GALK2: variants seen among roughly 807,000 people sequenced by gnomAD.
GALK2 encodes N-acetylgalactosamine kinase.
In GALK2, 36 loss-of-function variants were observed where a neutral mutation model predicts 52.4. The ratio of observed to expected loss-of-function variants is 0.69; its 90% CI spans 0.53 to 0.91. The LOEUF is 0.91. GALK2 is among the 40% of genes least tolerant of loss of function. GALK2 has a pLI of 0.00. For synonymous variants in GALK2, 176 were observed against 199.1 expected (o/e 0.88, Z 0.98); for missense variants, 579 against 559.1 (o/e 1.04, Z -0.36).
intron 3 of GALK2, among the ~76,000 whole-genome samples, chr15:49,351,192 G>T (rs567270871): frequency 4.6e-5 from 7 of 152,282 alleles, no homozygotes; most frequent in African/African-American, 1.7e-4. Flanking sequence ...TAGGCACAGT[G>T]TGTGATTATA....
intron 3 of GALK2, among the ~76,000 whole-genome samples, chr15:49,361,540 C>T (rs887359827): frequency 1.3e-5 from 2 of 151,994 alleles, no homozygotes; most frequent in Non-Finnish European, 2.9e-5. Flanking sequence ...GGTTAATGGC[C>T]TCCAGCTCCA....
At chr15:49,188,523 A>G (rs539966756) in intron 1 of GALK2, among the ~76,000 whole-genome samples, 382 of 152,338 alleles carry the variant, frequency 2.5e-3, no homozygotes, top group South Asian at 5.4e-3. Flanking sequence ...GGTGGTGTCA[A>G]TGATTCAAGA....
At chr15:49,228,688 T>TATATATATATATATGTATATATATA in intron 3 of GALK2, among the ~76,000 whole-genome samples, 3 of 10,442 alleles carry the variant, frequency 2.9e-4, no homozygotes, top group Non-Finnish European at 3.6e-4. Context: ...TATATATATA[T>TATATATATATATATGTATATATATA]TTTTTTTTTT....
intron 9 of GALK2, among the ~76,000 whole-genome samples, chr15:49,326,631 G>C (rs959269398): frequency 2.0e-5 from 3 of 152,084 alleles, no homozygotes; most frequent in Non-Finnish European, 4.4e-5. Flanking sequence ...AGGATCCCAA[G>C]GTCAGAGAAA....
chr15:49,366,720 G>T, intron 3 of GALK2: 2 of 1,157,686 alleles, frequency 1.7e-6, no homozygotes, highest in East Asian at 2.4e-5. Context: ...GGCGCGGCGC[G>T]GCTCACTAGG....
At chr15:49,264,331 CA>C (rs1369266202) in intron 5 of GALK2, among the ~76,000 whole-genome samples, 10 of 152,194 alleles carry the variant, frequency 6.6e-5, no homozygotes, top group Non-Finnish European at 1.0e-4. Flanking sequence ...CATCTTCCAT[CA>C]CTGATACCCT....
intron 3 of GALK2, among the ~76,000 whole-genome samples, chr15:49,218,919 A>G (rs2089590342): frequency 6.6e-6 from 1 of 152,118 alleles, no homozygotes; most frequent in South Asian, 2.1e-4. Context: ...TCTGCCTCCC[A>G]GGTTCAAGAG....
chr15:49,234,398 C>T (rs115737693), intron 3 of GALK2, among the ~76,000 whole-genome samples: 104 of 152,174 alleles, frequency 6.8e-4, no homozygotes, highest in African/African-American at 2.5e-3. Context: ...GATCTTTCTA[C>T]CATAAAGATG....
chr15:49,326,783 C>T (rs116777018), intron 9 of GALK2, among the ~76,000 whole-genome samples: 2,696 of 151,808 alleles, frequency 0.018, 96 homozygotes, highest in African/African-American at 0.06. Flanking sequence ...ATTTGAAAAG[C>T]GTATTTTAAT....
At chr15:49,282,392 G>C (rs2032828091) in intron 6 of GALK2, among the ~76,000 whole-genome samples, 1 of 152,000 alleles carries the variant, frequency 6.6e-6, no homozygotes, top group Admixed American at 6.6e-5. Flanking sequence ...CAATTCCCTA[G>C]TTATTGGAAC....
At chr15:49,247,879 A>T (rs1238659244) in intron 5 of GALK2, among the ~76,000 whole-genome samples, 3 of 152,208 alleles carry the variant, frequency 2.0e-5, no homozygotes, top group African/African-American at 7.2e-5. Flanking sequence ...CCCTGAACAG[A>T]TTTACTTAAC....
At chr15:49,268,754 T>A (rs8037288) in intron 5 of GALK2, among the ~76,000 whole-genome samples, 164 of 152,328 alleles carry the variant, frequency 1.1e-3, no homozygotes, top group African/African-American at 3.9e-3. Context: ...CATCTTTTGC[T>A]CCATGGATTG....
chr15:49,359,050 A>G (rs1299528543), intron 3 of GALK2, among the ~76,000 whole-genome samples: 1 of 152,092 alleles, frequency 6.6e-6, no homozygotes, highest in Non-Finnish European at 1.5e-5. Flanking sequence ...TAAAGCTGAA[A>G]CTCGATCCCT....
intron 2 of GALK2, among the ~76,000 whole-genome samples, chr15:49,202,085 C>T (rs1489523230): frequency 6.6e-6 from 1 of 152,134 alleles, no homozygotes; most frequent in Non-Finnish European, 1.5e-5. Flanking sequence ...CTCACTGCAA[C>T]CTCTGCCTCC....
At chr15:49,276,970 CTTT>C (rs1233754984) in intron 5 of GALK2, among the ~76,000 whole-genome samples, 1 of 28,328 alleles carries the variant, frequency 3.5e-5, no homozygotes, top group Non-Finnish European at 6.8e-5. Context: ...TTTTTCTTTT[CTTT>C]TTTTTTTTTT....
intron 9 of GALK2, among the ~76,000 whole-genome samples, chr15:49,322,930 C>A: frequency 6.9e-6 from 1 of 145,264 alleles, no homozygotes. Flanking sequence ...GCCCTCCAGC[C>A]TGTGGGACAG....
chr15:49,359,096 A>G (rs1265733090), intron 3 of GALK2, among the ~76,000 whole-genome samples: 2 of 152,076 alleles, frequency 1.3e-5, no homozygotes, highest in African/African-American at 2.4e-5. Flanking sequence ...TTCAAGATAG[A>G]TTAAAGACTT....
intron 3 of GALK2, among the ~76,000 whole-genome samples, chr15:49,346,456 C>G (rs575550499): frequency 6.6e-6 from 1 of 152,166 alleles, no homozygotes; most frequent in Admixed American, 6.5e-5. Flanking sequence ...AAAAATATCC[C>G]TAAGCCTTAT....
chr15:49,177,095 T>C (rs2085520952), intron 1 of GALK2, among the ~76,000 whole-genome samples: 1 of 151,944 alleles, frequency 6.6e-6, no homozygotes, highest in Non-Finnish European at 1.5e-5. Context: ...ATTTCTAGTA[T>C]TGATTATGTT....
Sources: gnomAD v4.1 joint callset for allele counts (sites outside exome capture counted in the v4.1 genomes callset) on GRCh38, gnomAD v4.1.1 for gene constraint, MANE v1.5 for transcripts, NCBI Gene and HGNC (gene_info 2026-07-23, HGNC 2026-07-21) for gene names.